FRAS1: variants seen among roughly 807,000 people sequenced by gnomAD.
FRAS1 encodes Fraser extracellular matrix complex subunit 1, also known as extracellular matrix organizing protein FRAS1.
A neutral mutation model predicts 435.2 loss-of-function variants in FRAS1; 290 were observed. The observed-to-expected ratio is 0.67, with a 90% CI of 0.61 to 0.73. The LOEUF (loss-of-function observed/expected upper bound fraction) is 0.73. Ranked by LOEUF, FRAS1 falls within the 30% of genes least tolerant of loss-of-function variation. The pLI is 0.00. For synonymous variants in FRAS1, 1,800 were observed against 1,851.0 expected (o/e 0.97, Z 0.71); for missense variants, 4,860 against 5,001.5 (o/e 0.97, Z 0.85).
chr4:78,087,258 A>G (rs1236801689), intron 2 of FRAS1, among the ~76,000 whole-genome samples: 1 of 152,072 alleles, frequency 6.6e-6, no homozygotes, highest in African/African-American at 2.4e-5. Context: ...TAAATTAGGT[A>G]TTGATGGAGC....
intron 29 of FRAS1, among the ~76,000 whole-genome samples, chr4:78,392,082 A>G (rs1732467908): frequency 6.6e-6 from 1 of 152,118 alleles, no homozygotes; most frequent in South Asian, 2.1e-4. Context: ...GTTGAAATCT[A>G]CATGGAGCAA....
intron 2 of FRAS1, among the ~76,000 whole-genome samples, chr4:78,145,575 G>A (rs1458691168): frequency 6.6e-6 from 1 of 152,094 alleles, no homozygotes; most frequent in African/African-American, 2.4e-5. Context: ...TGAGAAGCTC[G>A]GAATGCACAC....
At position 78,255,326 on chromosome 4, in the gene FRAS1, G is replaced by T; in HGVS notation, c.554G>T (p.Gly185Val). The T allele has an allele frequency of 1.3e-6, 2 of 1,579,666 alleles. No homozygotes were observed. Among genetic ancestry groups the T allele is most frequent in the East Asian group, 4.6e-5 (2 of 43,404 alleles). ...TGTGCCAAATGTCTGTGTAGAAATG[G>T]GGTTGCCCAGTGCTTCACAGCTCAG... ...SRCAKCLCRN[G>V]VAQCFTAQCQ... is the part of the protein sequence containing the mutation. The change falls in exon 6 of 74, where the codon GGG becomes GTG. Residue 185 changes from glycine to valine, a missense_variant. Coordinates refer to ENST00000512123, the MANE Select transcript of FRAS1 (RefSeq NM_025074.7).
chr4:78,229,639 G>A lies in FRAS1; in HGVS notation c.109-7871G>A, dbSNP rs1267728951. On this transcript the variant is annotated intron_variant, in intron 2 of 73. Coordinates refer to ENST00000512123, the MANE Select transcript of FRAS1 (RefSeq NM_025074.7). Reference sequence around the variant, plus strand: ...TTAAAGTCAGAGAGTAGAAGTAAGAGAGATTTGAAATGGTAAGACTGCTGT... The same window carrying A: ...TTAAAGTCAGAGAGTAGAAGTAAGAAAGATTTGAAATGGTAAGACTGCTGT... Among the ~76,000 whole-genome samples the A allele has an allele frequency of 3.9e-5, 6 of 152,116 alleles. No homozygotes were observed. The South Asian group carries it at 6.2e-4, about 16-fold the overall frequency.
In FRAS1 at chr4:78,441,316, C is replaced by T. The variant is rs758633540; in HGVS notation, c.5665+19C>T. Reference sequence around the variant, plus strand: ...GGAACAGGTACTACTTCCTGTAAAACTGTTAAGGACCTTGAGAGAAGGGAG... The same window carrying T: ...GGAACAGGTACTACTTCCTGTAAAATTGTTAAGGACCTTGAGAGAAGGGAG... On this transcript the variant is annotated intron_variant, in intron 41 of 73. Coordinates refer to ENST00000512123, the MANE Select transcript of FRAS1 (RefSeq NM_025074.7). 2 of 1,603,732 alleles carry T rather than the reference C, an allele frequency of 1.2e-6. No individual in the cohort carries two copies. The highest frequency in any genetic ancestry group is 2.7e-5 in the African/African-American group (2 of 74,886).
intron 60 of FRAS1, among the ~76,000 whole-genome samples, chr4:78,498,636 TGA>T (rs1364401570): frequency 1.3e-5 from 2 of 152,308 alleles, no homozygotes; most frequent in East Asian, 3.8e-4. Flanking sequence ...TTTGACTTTC[TGA>T]GAGGGAAAGA....
chr4:78,304,024 T>C (rs376802955), intron 14 of FRAS1, among the ~76,000 whole-genome samples: 116 of 151,904 alleles, frequency 7.6e-4, no homozygotes, highest in African/African-American at 1.7e-3. Context: ...TTTTGAAATA[T>C]GTCCCATCAA....
At chr4:78,395,508 C>T (rs1732621853) in intron 29 of FRAS1, among the ~76,000 whole-genome samples, 2 of 151,876 alleles carry the variant, frequency 1.3e-5, no homozygotes, top group Non-Finnish European at 2.9e-5. Context: ...CCCTTCAGTT[C>T]TGTTAACATT....
At chr4:78,483,372 G>A (rs1720070567) in intron 58 of FRAS1, among the ~76,000 whole-genome samples, 1 of 152,140 alleles carries the variant, frequency 6.6e-6, no homozygotes. Context: ...CTTCTCAGAA[G>A]AATTGACGAA....
chr4:78,339,786 A>G (rs190517131), intron 20 of FRAS1, among the ~76,000 whole-genome samples: 2 of 152,340 alleles, frequency 1.3e-5, no homozygotes, highest in East Asian at 3.9e-4. Context: ...TTTTGACTAG[A>G]TTTTGTGAGC....
intron 2 of FRAS1, among the ~76,000 whole-genome samples, chr4:78,212,958 G>A (rs138627879): frequency 0.011 from 1,736 of 152,316 alleles, 13 homozygotes; most frequent in Non-Finnish European, 0.018. Flanking sequence ...GGGAGCTCTG[G>A]AGTTGGGACG....
intron 2 of FRAS1, among the ~76,000 whole-genome samples, chr4:78,157,672 C>A (rs1240064493): frequency 6.6e-6 from 1 of 152,048 alleles, no homozygotes; most frequent in Non-Finnish European, 1.5e-5. Context: ...TTGTTTTTTG[C>A]TTGTTGAATT....
chr4:78,482,635 A>C, intron 58 of FRAS1, 100 bp downstream of exon 58: 1 of 1,275,356 alleles, frequency 7.8e-7, no homozygotes, highest in Non-Finnish European at 1.1e-6. Flanking sequence ...ATTTTCATTC[A>C]AGAAATATGT....
intron 20 of FRAS1, among the ~76,000 whole-genome samples, chr4:78,343,518 G>C (rs2110274336): frequency 6.7e-6 from 1 of 148,528 alleles, no homozygotes; most frequent in East Asian, 2.1e-4. Context: ...GTGCGGGTTT[G>C]CCACCCTTTT....
chr4:78,194,447 AT>A (rs1722704520), intron 2 of FRAS1, among the ~76,000 whole-genome samples: 1 of 152,082 alleles, frequency 6.6e-6, no homozygotes, highest in South Asian at 2.1e-4. Flanking sequence ...ATAGTCTCAT[AT>A]TTCTTGGAGG....
At chr4:78,198,796 TC>T (rs756858386) in intron 2 of FRAS1, among the ~76,000 whole-genome samples, 5 of 152,186 alleles carry the variant, frequency 3.3e-5, no homozygotes, top group Non-Finnish European at 7.3e-5. Flanking sequence ...TTTATGATAA[TC>T]CATTTCCACT....
At position 78,466,202 on chromosome 4, in the gene FRAS1, G is replaced by A. The variant is rs771012779; in HGVS notation, c.7030-6G>A. 7.4e-6 allele frequency: 12 copies of A among 1,612,690 alleles called. No individual in the cohort carries two copies. The highest frequency in any genetic ancestry group is 4.0e-5 in the African/African-American group (3 of 74,872). ...CCTCCCCTCTGGTATTTTGCCTTCC[G>A]GACAGGCCGAGTCTGTCACATTCAC... On this transcript the variant is annotated splice_region_variant and splice_polypyrimidine_tract_variant and intron_variant, in intron 49 of 73. Coordinates refer to ENST00000512123, the MANE Select transcript of FRAS1 (RefSeq NM_025074.7).
intron 43 of FRAS1, among the ~76,000 whole-genome samples, chr4:78,447,288 T>TAAAAAAA (rs3086830): frequency 3.7e-5 from 4 of 109,028 alleles, no homozygotes; most frequent in Admixed American, 1.1e-4. Context: ...GTTCCTTTTG[T>TAAAAAAA]AAAAAAAAAA....
At chr4:78,347,468 G>A (rs1730649158) in intron 20 of FRAS1, among the ~76,000 whole-genome samples, 1 of 152,150 alleles carries the variant, frequency 6.6e-6, no homozygotes, top group Non-Finnish European at 1.5e-5. Flanking sequence ...ATTGCCCATT[G>A]CATTAGCTGT....
Sources: allele counts gnomAD v4.1 joint callset (sites outside exome capture counted in the v4.1 genomes callset), GRCh38; gene constraint gnomAD v4.1.1; transcripts MANE v1.5; gene names NCBI Gene and HGNC (gene_info 2026-07-23, HGNC 2026-07-21).